The following NET1 variants were observed in gnomAD, a reference collection of about 807,000 sequenced individuals.
NET1 encodes the protein neuroepithelial cell-transforming gene 1 protein.
Under a neutral mutation model 61.1 loss-of-function variants are expected in NET1, and 42 were observed. The ratio of observed to expected loss-of-function variants is 0.69; its 90% confidence interval spans 0.54 to 0.89. The LOEUF (loss-of-function observed/expected upper bound fraction) is 0.89, where lower values mean the gene tolerates loss of function less well. Ranked by LOEUF, NET1 falls within the 40% of genes least tolerant of loss-of-function variation. The probability of loss-of-function intolerance (pLI) is 0.00; values close to 1 mark genes in which losing one functional copy is unlikely to be tolerated. For missense variants in NET1, 654 were observed against 747.3 expected, an observed-to-expected ratio of 0.88 and a Z score of 1.46; for synonymous variants, 254 against 281.8, an observed-to-expected ratio of 0.90 and a Z score of 0.99.
intron 2 of NET1, among the ~76,000 whole-genome samples, chr10:5,428,211 G>C (rs1356430275): frequency 1.3e-5 from 2 of 152,042 alleles, no homozygotes; most frequent in East Asian, 3.8e-4. Context: ...AACCTGAAAA[G>C]TTATTTTGAG....
rs1301526004 is a variant in NET1 at position 5,439,883 on chromosome 10, C to A, written c.255+10654C>A. 6.6e-6 allele frequency among the ~76,000 whole-genome samples: 1 copy of A among 152,170 alleles called. No homozygotes were observed. The highest frequency in any genetic ancestry group is 1.9e-4 in the East Asian group (1 of 5,196). ...TACAGAGACCTCTGTTGCTCTGGGA[C>A]CTACTCAAAACTATCACAGCAACAT... On this transcript the variant is annotated intron_variant, in intron 3 of 11. Coordinates refer to ENST00000355029, the MANE Select transcript of NET1 (RefSeq NM_001047160.3). This position sits in a 1 kb window ranked among gnomAD's most constrained non-coding sequence, Gnocchi z 4.8.
At position 5,424,704 on chromosome 10, in the gene NET1, T is replaced by C. The variant is rs936842330; in HGVS notation, c.129-1951T>C. 6.6e-6 allele frequency among the ~76,000 whole-genome samples: 1 copy of C among 152,220 alleles called. No individual in the cohort carries two copies. The highest frequency in any genetic ancestry group is 1.5e-5 in the Non-Finnish European group (1 of 68,034). On this transcript the variant is annotated intron_variant, in intron 1 of 11. Transcript: ENST00000355029. The surrounding 1 kb of genome is among the most constrained non-coding windows in gnomAD (Gnocchi z 6.1). Reference sequence around the variant, plus strand: ...ATTTAGGAAATGTTTGTTTTAAATATCTTAAGATCTTTGCATCTAATTTCT... The same window carrying C: ...ATTTAGGAAATGTTTGTTTTAAATACCTTAAGATCTTTGCATCTAATTTCT...
rs952333290 is a variant in NET1, at chr10:5,441,805, C to T, written c.256-10025C>T. 6.6e-6 allele frequency among the ~76,000 whole-genome samples: 1 copy of T among 152,050 alleles called. No homozygotes were observed. The highest frequency in any genetic ancestry group is 2.4e-5 in the African/African-American group (1 of 41,386). On this transcript the variant is annotated intron_variant, in intron 3 of 11. Transcript: ENST00000355029. The surrounding 1 kb of genome is among the most constrained non-coding windows in gnomAD (Gnocchi z 4.6). ...TCGTACTTATCCAGTTCAAATGTAACTCTTTTTGTTTTTAAGTTATTACTA... is the reference window on the plus strand; with the variant it reads ...TCGTACTTATCCAGTTCAAATGTAATTCTTTTTGTTTTTAAGTTATTACTA...
At position 5,455,114 on chromosome 10, in the gene NET1, G is replaced by A; in HGVS notation, c.1193G>A (p.Gly398Glu). The part of the protein sequence containing the change: ...LCHGELRSKS[G>E]HKLYIFLFQD... ...CATGGGGAGCTGCGGAGCAAGAGTG[G>A]ACATGTAGGTGACTTTTGCTGCCGT... The change falls in exon 10 of 12, where the codon GGA becomes GAA. Residue 398 changes from glycine to glutamate, a missense_variant. By Grantham distance (98) the Gly-to-Glu change is moderately conservative (BLOSUM62 -2). Transcript: ENST00000355029. This position sits in a 1 kb window ranked among gnomAD's most constrained non-coding sequence, Gnocchi z 6.5. The A allele has an allele frequency of 6.2e-7, 1 of 1,613,106 alleles. No homozygotes were observed. Among genetic ancestry groups the A allele is most frequent in the Non-Finnish European group, 8.5e-7 (1 of 1,179,918 alleles).
In NET1 at chr10:5,437,305, T is replaced by C. The variant is rs910273558; in HGVS notation, c.255+8076T>C. Among the ~76,000 whole-genome samples, 11 of 152,156 alleles carry C rather than the reference T, an allele frequency of 7.2e-5. No individual in the cohort carries two copies. The highest frequency in any genetic ancestry group is 5.9e-4 in the Admixed American group (9 of 15,278). On this transcript the variant is annotated intron_variant, in intron 3 of 11. Transcript: ENST00000355029. This position sits in a 1 kb window ranked among gnomAD's most constrained non-coding sequence, Gnocchi z 4.3. ...TCCTGTATATATGCTATAGCTTGCT[T>C]TTTTTAATTTATGTTTTATTGGTAC...
rs144268457 is a variant in NET1, at chr10:5,422,411, G to C, written c.129-4244G>C. Among the ~76,000 whole-genome samples, 56 of 152,216 alleles carry C rather than the reference G, an allele frequency of 3.7e-4. No individual in the cohort carries two copies. Among genetic ancestry groups the C allele is most frequent in the African/African-American group, 1.2e-3 (51 of 41,526 alleles). ...TAAATTCTTGGGGGTGGAATTATCA[G>C]GTCCTACGGTAAACTTACCACTAAC... On this transcript the variant is annotated intron_variant, in intron 1 of 11. Coordinates refer to ENST00000355029, the MANE Select transcript of NET1 (RefSeq NM_001047160.3). The surrounding 1 kb of genome is among the most constrained non-coding windows in gnomAD (Gnocchi z 4.1).
chr10:5,433,832 T>C (rs1832384398), intron 3 of NET1, among the ~76,000 whole-genome samples: 1 of 152,118 alleles, frequency 6.6e-6, no homozygotes, highest in African/African-American at 2.4e-5. Context: ...TTTATTACTT[T>C]TTCTCAAAAC....
rs1296460551 is a variant in NET1 at position 5,444,862 on chromosome 10, A to G, written c.256-6968A>G. Among the ~76,000 whole-genome samples, 2 of 152,226 alleles carry G rather than the reference A, an allele frequency of 1.3e-5. No individual in the cohort carries two copies. The highest frequency in any genetic ancestry group is 4.8e-5 in the African/African-American group (2 of 41,456). On this transcript the variant is annotated intron_variant, in intron 3 of 11. Transcript: ENST00000355029. The surrounding 1 kb of genome is among the most constrained non-coding windows in gnomAD (Gnocchi z 5.3). ...GTTCTTCCACCGCCTCACACTCAGT[A>G]TATCTAAAATGTAACTTAGAATTTT...
intron 3 of NET1, among the ~76,000 whole-genome samples, chr10:5,445,423 C>T (rs540981115): frequency 3.0e-4 from 45 of 152,318 alleles, no homozygotes; most frequent in Middle Eastern, 6.8e-3. Context: ...CTTCATGTGG[C>T]CTACCTTTAC....
chr10:5,430,222 A>T (rs1235883874), intron 3 of NET1, among the ~76,000 whole-genome samples: 2 of 152,216 alleles, frequency 1.3e-5, no homozygotes, highest in African/African-American at 4.8e-5. Flanking sequence ...TCAAATACAG[A>T]AATAGTATTT....
rs1394535548 is a variant in NET1, at chr10:5,420,633, G to A, written c.129-6022G>A. Among the ~76,000 whole-genome samples the A allele has an allele frequency of 6.6e-6, 1 of 151,956 alleles. No individual in the cohort carries two copies. Among genetic ancestry groups the A allele is most frequent in the Non-Finnish European group, 1.5e-5 (1 of 67,982 alleles). On this transcript the variant is annotated intron_variant, in intron 1 of 11. Transcript: ENST00000355029. This position sits in a 1 kb window ranked among gnomAD's most constrained non-coding sequence, Gnocchi z 5.3. Reference sequence around the variant, plus strand: ...TATTTTTGAGATGGAGTCTTGCTCTGTCGCCAGGCTGGAGTGCAGTGGCGC... The same window carrying A: ...TATTTTTGAGATGGAGTCTTGCTCTATCGCCAGGCTGGAGTGCAGTGGCGC...
rs989124070 is a variant in NET1, at chr10:5,421,320, T to G, written c.129-5335T>G. Among the ~76,000 whole-genome samples the G allele has an allele frequency of 3.3e-5, 5 of 152,238 alleles. No individual in the cohort carries two copies. Reference sequence around the variant, plus strand: ...ACATATCACCCATATGGCAGAAATATAAATACATACTGATCCTTTTAAGGA... The same window carrying G: ...ACATATCACCCATATGGCAGAAATAGAAATACATACTGATCCTTTTAAGGA... On this transcript the variant is annotated intron_variant, in intron 1 of 11. Coordinates refer to ENST00000355029, the MANE Select transcript of NET1 (RefSeq NM_001047160.3). This position sits in a 1 kb window ranked among gnomAD's most constrained non-coding sequence, Gnocchi z 4.2.
In NET1 at chr10:5,424,797, A is replaced by G. The variant is rs1832233098; in HGVS notation, c.129-1858A>G. ...TAACTGAACAGGTTTAGGGAGGAAA[A>G]GGGGAAAGTCTTTCCTGGCAATTTT... On this transcript the variant is annotated intron_variant, in intron 1 of 11. Transcript: ENST00000355029. The surrounding 1 kb of genome is among the most constrained non-coding windows in gnomAD (Gnocchi z 6.1). Among the ~76,000 whole-genome samples the G allele has an allele frequency of 6.6e-6, 1 of 152,118 alleles. No individual in the cohort carries two copies. Among genetic ancestry groups the G allele is most frequent in the Admixed American group, 6.6e-5 (1 of 15,262 alleles).
rs1432001130 is a variant in NET1 at position 5,422,612 on chromosome 10, G to C, written c.129-4043G>C. 6.6e-6 allele frequency among the ~76,000 whole-genome samples: 1 copy of C among 152,134 alleles called. No individual in the cohort carries two copies. The highest frequency in any genetic ancestry group is 2.4e-5 in the African/African-American group (1 of 41,412). ...TTAATGCAGGACATTAGGATGTCTG[G>C]GGTGCTTTGGGGGTGGTGTTTGCTG... On this transcript the variant is annotated intron_variant, in intron 1 of 11. Coordinates refer to ENST00000355029, the MANE Select transcript of NET1 (RefSeq NM_001047160.3). The surrounding 1 kb of genome is among the most constrained non-coding windows in gnomAD (Gnocchi z 4.1).
intron 1 of NET1, among the ~76,000 whole-genome samples, chr10:5,418,047 C>A (rs945905477): frequency 1.4e-4 from 22 of 151,810 alleles, no homozygotes; most frequent in African/African-American, 5.3e-4. Context: ...ATTGTTGGAT[C>A]CATTTTGTTA....
At position 5,438,932 on chromosome 10, in the gene NET1, G is replaced by A. The variant is rs188722617; in HGVS notation, c.255+9703G>A. Among the ~76,000 whole-genome samples, 4 of 152,274 alleles carry A rather than the reference G, an allele frequency of 2.6e-5. No individual in the cohort carries two copies. The East Asian group carries it at 7.7e-4, about 29-fold the overall frequency. On this transcript the variant is annotated intron_variant, in intron 3 of 11. Transcript: ENST00000355029. ...TGCCATCATGGCTCCTGTGCTCATG[G>A]GTCTATTGCACCAGCACTGGAATCC...
In NET1 at chr10:5,418,258, T is replaced by C. The variant is rs866257902; in HGVS notation, c.128+5438T>C. Among the ~76,000 whole-genome samples the C allele has an allele frequency of 2.0e-5, 3 of 152,210 alleles. No individual in the cohort carries two copies. In the East Asian group the frequency reaches 5.8e-4, roughly 29 times the overall value. ...TCTTTCAATGTTTGGTAGAATTCAGTGTAAAGCCACCTAGGCCTAGACTTT... is the reference window on the plus strand; with the variant it reads ...TCTTTCAATGTTTGGTAGAATTCAGCGTAAAGCCACCTAGGCCTAGACTTT... On this transcript the variant is annotated intron_variant, in intron 1 of 11. Transcript: ENST00000355029.
intron 3 of NET1, among the ~76,000 whole-genome samples, chr10:5,434,191 A>G (rs1028220602): frequency 1.3e-5 from 2 of 152,328 alleles, no homozygotes; most frequent in African/African-American, 4.8e-5. Context: ...TCATAACTCT[A>G]GAGCTCCCTC....
At chr10:5,428,059 T>A (rs1489447778) in intron 2 of NET1, among the ~76,000 whole-genome samples, 1 of 135,104 alleles carries the variant, frequency 7.4e-6, no homozygotes, top group African/African-American at 2.8e-5. Context: ...TTTTTTTTTT[T>A]TTTTTTTTCT....
Sources: gnomAD v4.1 joint callset for allele counts (sites outside exome capture counted in the v4.1 genomes callset) on GRCh38, gnomAD v4.1.1 for gene constraint, Gnocchi (gnomAD v3.1) non-coding constraint, MANE v1.5 for transcripts, NCBI Gene and HGNC (gene_info 2026-07-23, HGNC 2026-07-21) for gene names.